Variants in RASSF6 observed in about 807,000 individuals in gnomAD.
RASSF6 encodes ras association domain-containing protein 6.
A neutral mutation model predicts 44.0 loss-of-function variants in RASSF6; 52 were observed. The observed-to-expected ratio is 1.18, with a 90% confidence interval of 0.95 to 1.49. RASSF6 has a LOEUF of 1.49. RASSF6 is among the 40% of genes most tolerant of loss of function. The pLI, the probability that RASSF6 is intolerant of heterozygous loss-of-function variation, is 0.00. For missense variants in RASSF6, 464 were observed against 393.3 expected (o/e 1.18, Z -1.52); for synonymous variants, 162 against 124.6 (o/e 1.30, Z -2.00).
intron 2 of RASSF6, among the ~76,000 whole-genome samples, chr4:73,610,453 T>C (rs1431142879): frequency 6.6e-6 from 1 of 152,200 alleles, no homozygotes; most frequent in African/African-American, 2.4e-5. Context: ...TCTCATCTTA[T>C]TTAGTGGGAA....
rs973548676 is a variant in RASSF6 at position 73,585,109 on chromosome 4, A to T, written c.567+71T>A. 115 of 1,046,656 alleles carry T rather than the reference A, an allele frequency of 1.1e-4. 1 individual carries two copies. The Middle Eastern group carries it at 1.6e-3, about 14-fold the overall frequency. The allele number at this position is 1,046,656 out of a possible 1,614,324, so 64.8% of individuals were successfully genotyped here. ...ATTATGACTTTAAATTGTGAATTGAATTGGGTGGTATTGTTAGTGAAACAG... is the reference window on the plus strand; with the variant it reads ...ATTATGACTTTAAATTGTGAATTGATTTGGGTGGTATTGTTAGTGAAACAG... On this transcript the variant is annotated intron_variant, in intron 6 of 10. Coordinates refer to ENST00000307439, the MANE Select transcript of RASSF6 (RefSeq NM_177532.5).
At chr4:73,607,812 T>G (rs1477854932) in intron 2 of RASSF6, among the ~76,000 whole-genome samples, 1 of 151,872 alleles carries the variant, frequency 6.6e-6, no homozygotes, top group Admixed American at 6.6e-5. Flanking sequence ...GTAGGACAGC[T>G]ACCTCCTCTC....
Position 73,581,841 on chromosome 4 carries a change from G to C in RASSF6, c.697C>G (p.Leu233Val). ...KIENSPQDFA[L>V]HIIFATGEQR... is the part of the protein sequence containing the mutation. ...CCTCCTGTTGCAAAAATAATGTGAA[G>C]AGCAAAATCCTGGGGACTATTTTCA... Residue 233 changes from leucine to valine, a missense_variant, in exon 8 of 11, where the codon CTT (leucine) becomes GTT (valine). Transcript: ENST00000307439. 1 of 1,609,764 alleles carries C rather than the reference G, an allele frequency of 6.2e-7. No individual in the cohort carries two copies. Among genetic ancestry groups the C allele is most frequent in the Non-Finnish European group, 8.5e-7 (1 of 1,176,782 alleles).
chr4:73,576,755 C>G, intron 8 of RASSF6, 24 bp from the exon 9 acceptor site: 1 of 1,359,306 alleles, frequency 7.4e-7, no homozygotes, highest in Non-Finnish European at 1.0e-6. Flanking sequence ...AAGAATCAAC[C>G]ACAATCAGAA....
Position 73,620,275 on chromosome 4 carries a change from C to T in RASSF6, c.-35+13G>A, listed in dbSNP as rs1726616208. The T allele has an allele frequency of 2.1e-6, 3 of 1,397,878 alleles. No homozygotes were observed. The highest frequency in any genetic ancestry group is 7.0e-5 in the Admixed American group (2 of 28,644). 86.6% of individuals were successfully genotyped at this position (1,397,878 alleles called of 1,614,324 possible). ...TGGATTAGAAAGTTTTTTTCCCCAT[C>T]CCCATTTTTTACCTGTTATTCACAC... On this transcript the variant is annotated intron_variant, in intron 1 of 10. Transcript: ENST00000307439.
intron 3 of RASSF6, among the ~76,000 whole-genome samples, chr4:73,594,057 C>T (rs1724761705): frequency 6.6e-6 from 1 of 152,070 alleles, no homozygotes; most frequent in South Asian, 2.1e-4. Context: ...AGTAAAATAA[C>T]ACGTGTGAAA....
chr4:73,602,968 G>C (rs1337757784), intron 2 of RASSF6, among the ~76,000 whole-genome samples: 1 of 152,062 alleles, frequency 6.6e-6, no homozygotes, highest in Admixed American at 6.5e-5. Flanking sequence ...GGCGCTTGTA[G>C]TCCCAGCTAC....
chr4:73,571,819 A>AATAT lies in RASSF6; in HGVS notation c.*4412_*4415dup, dbSNP rs1199054396. 6.6e-6 allele frequency: 1 copy of AATAT among 152,094 alleles called. No homozygotes were observed. The highest frequency in any genetic ancestry group is 1.5e-5 in the Non-Finnish European group (1 of 68,010). The allele number at this position is 152,094 out of a possible 1,614,324, so 9.4% of individuals were successfully genotyped here. ...TATTATCTAAAATTTAATTTGAGCT[A>AATAT]ATATATAACTGACAATGAAATATTT... is the stretch of plus-strand genomic sequence containing the variant. On this transcript the variant is annotated 3_prime_UTR_variant, in exon 11 of 11. Coordinates refer to ENST00000307439, the MANE Select transcript of RASSF6 (RefSeq NM_177532.5).
At chr4:73,612,523 G>A (rs1297096605) in intron 1 of RASSF6, among the ~76,000 whole-genome samples, 2 of 149,746 alleles carry the variant, frequency 1.3e-5, no homozygotes, top group Admixed American at 6.6e-5. Flanking sequence ...GTATAAGGGG[G>A]TGGATTTCCT....
chr4:73,581,493 C>T (rs1355891530), intron 8 of RASSF6, among the ~76,000 whole-genome samples: 2 of 152,036 alleles, frequency 1.3e-5, no homozygotes, highest in East Asian at 3.8e-4. Flanking sequence ...GAAAGGAAAG[C>T]CAAAAAGAAA....
At chr4:73,580,020 C>A (rs1723502301) in intron 8 of RASSF6, among the ~76,000 whole-genome samples, 2 of 122,190 alleles carry the variant, frequency 1.6e-5, no homozygotes, top group South Asian at 3.4e-4. Context: ...TATCCCTCCC[C>A]CCTCCCCCGA....
At chr4:73,613,766 C>T (rs1726175634) in intron 1 of RASSF6, among the ~76,000 whole-genome samples, 2 of 152,164 alleles carry the variant, frequency 1.3e-5, no homozygotes, top group Admixed American at 1.3e-4. Flanking sequence ...ACAATCACCT[C>T]ACTCTATTTT....
rs555479698 is a variant in RASSF6, at chr4:73,614,749, G to C, written c.-34-2920C>G. ...AGGTAACTCATAGCCAGCTTCAGAA[G>C]ACTTCAGAAGATGTGATGAAAGGGT... On this transcript the variant is annotated intron_variant, in intron 1 of 10. Coordinates refer to ENST00000307439, the MANE Select transcript of RASSF6 (RefSeq NM_177532.5). Among the ~76,000 whole-genome samples, 3 of 152,284 alleles carry C rather than the reference G, an allele frequency of 2.0e-5. No individual in the cohort carries two copies. The South Asian group carries it at 6.2e-4, about 32-fold the overall frequency.
At chr4:73,584,981 G>A (rs1267323786) in intron 6 of RASSF6, among the ~76,000 whole-genome samples, 199 bp downstream of exon 6, 1 of 152,066 alleles carries the variant, frequency 6.6e-6, no homozygotes, top group Non-Finnish European at 1.5e-5. Flanking sequence ...GATTGTTTTA[G>A]TGATTAATAA....
chr4:73,591,605 A>T (rs1724563738), intron 4 of RASSF6, among the ~76,000 whole-genome samples: 1 of 152,074 alleles, frequency 6.6e-6, no homozygotes, highest in African/African-American at 2.4e-5. Context: ...CCCATCAGTC[A>T]TCAGGTACCT....
chr4:73,610,799 C>G (rs1725956744), intron 2 of RASSF6, among the ~76,000 whole-genome samples: 1 of 152,136 alleles, frequency 6.6e-6, no homozygotes, highest in African/African-American at 2.4e-5. Context: ...TTGACTGCAT[C>G]CCGACTTTAT....
chr4:73,585,341 T>C lies in RASSF6; in HGVS notation c.406A>G (p.Thr136Ala). 1 of 1,596,932 alleles carries C rather than the reference T, an allele frequency of 6.3e-7. No individual in the cohort carries two copies. Among genetic ancestry groups the C allele is most frequent in the Non-Finnish European group, 8.5e-7 (1 of 1,173,280 alleles). ...TCATCCTTTGCATGTGGCTTCAGGG[T>C]GTTGCTGTGATAAGATAAATAGTCT... The part of the protein sequence containing the change: ...QEDYLSYHSN[T>A]LKPHAKDEPD... The change falls in exon 6 of 11, where the codon ACC becomes GCC. Residue 136 changes from threonine (T) to alanine (A), a missense_variant. Transcript: ENST00000307439.
chr4:73,599,197 G>C (rs927383042), intron 2 of RASSF6, among the ~76,000 whole-genome samples: 2 of 152,196 alleles, frequency 1.3e-5, no homozygotes, highest in African/African-American at 2.4e-5. Context: ...AATTTCCACA[G>C]CTGTGAAATG....
At chr4:73,579,825 G>A (rs570820375) in intron 8 of RASSF6, among the ~76,000 whole-genome samples, 5 of 151,536 alleles carry the variant, frequency 3.3e-5, no homozygotes, top group Non-Finnish European at 7.4e-5. Context: ...GAATATATAT[G>A]TGTCCTTAGA....
Sources: allele counts gnomAD v4.1 joint callset (sites outside exome capture counted in the v4.1 genomes callset), GRCh38; gene constraint gnomAD v4.1.1; transcripts MANE v1.5; gene names NCBI Gene and HGNC (gene_info 2026-07-23, HGNC 2026-07-21).